Variants in CCND3 observed in about 807,000 individuals in gnomAD.
CCND3 encodes the protein G1/S-specific cyclin-D3.
In CCND3, 9 loss-of-function variants were observed where a neutral mutation model predicts 28.7. The observed-to-expected ratio is 0.31, with a 90% CI of 0.19 to 0.55. CCND3 has a LOEUF of 0.55. Among genes scored for constraint, CCND3 ranks in the 20% least tolerant of loss-of-function variants. The pLI is 0.93. For missense variants in CCND3, 315 were observed against 385.8 expected, an observed-to-expected ratio of 0.82 and a Z score of 1.54; for synonymous variants, 164 against 163.9, an observed-to-expected ratio of 1.00 and a Z score of 0.00.
At chr6:42,040,962 C>T (rs1470288888) in intron 1 of CCND3, among the ~76,000 whole-genome samples, 1 of 151,928 alleles carries the variant, frequency 6.6e-6, no homozygotes, top group Non-Finnish European at 1.5e-5. Context: ...TATAAACTGA[C>T]TTATGTACAA....
intron 1 of CCND3, among the ~76,000 whole-genome samples, chr6:42,013,934 T>TG (rs1436494282): frequency 6.6e-6 from 1 of 150,778 alleles, no homozygotes; most frequent in Non-Finnish European, 1.5e-5. Context: ...TAGCTGGGCG[T>TG]GGTGGTGTGC....
rs3218093 is a variant in CCND3 at position 41,938,781 on chromosome 6, ACTCATCTG to A, written c.415-1395_415-1388del. Among the ~76,000 whole-genome samples the A allele has an allele frequency of 0.18, 27,814 of 151,828 alleles. 3,138 individuals are homozygous for A. The highest frequency in any genetic ancestry group is 0.27 in the East Asian group (1,364 of 5,138). ...TCTAGCTAGAAGACCCAGGTTCTAC[ACTCATCTG>A]CTCAGTGCGATGCTGAGGCAGGACC... On this transcript the variant is annotated intron_variant, in intron 2 of 4. Transcript: ENST00000372991. This position sits in a 1 kb window ranked among gnomAD's most constrained non-coding sequence, Gnocchi z 4.6.
intron 1 of CCND3, among the ~76,000 whole-genome samples, chr6:41,986,703 T>C (rs772496805): frequency 2.0e-5 from 3 of 152,056 alleles, no homozygotes; most frequent in Admixed American, 6.6e-5. Flanking sequence ...TATACGATCA[T>C]GTCATCTGCA....
intron 1 of CCND3, among the ~76,000 whole-genome samples, chr6:42,026,921 C>G (rs1295743012): frequency 6.6e-6 from 1 of 152,228 alleles, no homozygotes; most frequent in Non-Finnish European, 1.5e-5. Context: ...GTCAGATCAC[C>G]CACCCGGATC....
At chr6:42,000,452 TCTC>T (rs1762968641) in intron 1 of CCND3, among the ~76,000 whole-genome samples, 3 of 150,852 alleles carry the variant, frequency 2.0e-5, no homozygotes, top group Admixed American at 6.6e-5. Context: ...GTGGTCTCGA[TCTC>T]CTGACCTCGT....
At chr6:41,964,454 CTGTGTGTGAGTG>C (rs1422243895) in intron 1 of CCND3, among the ~76,000 whole-genome samples, 320 of 84,532 alleles carry the variant, frequency 3.8e-3, no homozygotes, top group African/African-American at 7.3e-3. Flanking sequence ...ATGTGTGAGT[CTGTGTGTGAGTG>C]TGTGTGTGAG....
At chr6:41,941,880 G>A, upstream of CCND3, 1 of 233,732 alleles carries the variant, frequency 4.3e-6, no homozygotes, top group South Asian at 1.8e-4. This position sits in a 1 kb window ranked among gnomAD's most constrained non-coding sequence, Gnocchi z 6.1. Flanking sequence ...GAGGGGCGGG[G>A]CTGCGGCGCC....
At chr6:41,995,545 T>C (rs1203493437) in intron 1 of CCND3, among the ~76,000 whole-genome samples, 1 of 152,066 alleles carries the variant, frequency 6.6e-6, no homozygotes, top group African/African-American at 2.4e-5. Flanking sequence ...CGTGAGCCAC[T>C]GCACATGCCC....
chr6:42,036,403 A>ATATATATATATAT lies in CCND3; in HGVS notation c.-46+12097_-46+12098insATATATATATATA, dbSNP rs57619585. ...TATATATATATATATATATATATAT[A>ATATATATATATAT]TTTTTTTTTTTTTTTTTTTTTTTTG... On this transcript the variant is annotated intron_variant, in intron 1 of 4. Transcript: ENST00000372988. Among the ~76,000 whole-genome samples the ATATATATATATAT allele has an allele frequency of 1.6e-4, 5 of 31,320 alleles. 1 individual carries two copies. 20.5% of individuals were successfully genotyped at this position (31,320 alleles called of 152,430 possible).
intron 1 of CCND3, among the ~76,000 whole-genome samples, chr6:41,975,280 TC>T (rs1762143793): frequency 6.6e-6 from 1 of 152,200 alleles, no homozygotes; most frequent in Non-Finnish European, 1.5e-5. Context: ...TTGGAGAAAC[TC>T]CAGCAAGGGA....
At chr6:42,034,465 A>ACT (rs771239492) in intron 1 of CCND3, among the ~76,000 whole-genome samples, 2,894 of 89,928 alleles carry the variant, frequency 0.032, 246 homozygotes, top group East Asian at 0.12. Context: ...CAACCCTGTC[A>ACT]CTCTTTTTTT....
intron 1 of CCND3, among the ~76,000 whole-genome samples, chr6:41,954,605 C>T (rs1287891646): frequency 6.6e-6 from 1 of 151,812 alleles, no homozygotes; most frequent in Non-Finnish European, 1.5e-5. Context: ...TACTGTGTTA[C>T]CCAGGCTGGT....
At chr6:41,995,253 G>A (rs1262554592) in intron 1 of CCND3, among the ~76,000 whole-genome samples, 1 of 151,956 alleles carries the variant, frequency 6.6e-6, no homozygotes, top group Non-Finnish European at 1.5e-5. Flanking sequence ...ATATGTATGA[G>A]GTTTTTCTTT....
chr6:41,991,377 C>T (rs1029800703), intron 1 of CCND3, among the ~76,000 whole-genome samples: 1 of 152,226 alleles, frequency 6.6e-6, no homozygotes, highest in Non-Finnish European at 1.5e-5. Flanking sequence ...GTACATAGCT[C>T]AGCTGATAGC....
intron 1 of CCND3, among the ~76,000 whole-genome samples, chr6:41,985,535 G>A (rs1243042220): frequency 2.6e-5 from 4 of 151,704 alleles, no homozygotes; most frequent in East Asian, 1.9e-4. Flanking sequence ...GGCTGGTCTC[G>A]GACTCCTGAC....
At chr6:41,994,261 C>T (rs894875332) in intron 1 of CCND3, among the ~76,000 whole-genome samples, 1 of 151,950 alleles carries the variant, frequency 6.6e-6, no homozygotes, top group African/African-American at 2.4e-5. Flanking sequence ...AATAGGCTAT[C>T]CCATATAGTC....
intron 1 of CCND3, among the ~76,000 whole-genome samples, chr6:41,976,454 C>T (rs1762190236): frequency 6.6e-6 from 1 of 151,932 alleles, no homozygotes; most frequent in South Asian, 2.1e-4. Context: ...GAGTGTGTTG[C>T]AAGCCTGTGC....
At chr6:41,987,501 CTCTCTCTCTCTCTCTCTGTGTGTGTG>C (rs1321838574) in intron 1 of CCND3, among the ~76,000 whole-genome samples, 56 of 84,622 alleles carry the variant, frequency 6.6e-4, no homozygotes, top group African/African-American at 1.8e-3. Context: ...CTCTCTCTCT[CTCTCTCTCTCTCTCTCTGTGTGTGTG>C]TGTGTGTGTG....
chr6:41,978,457 A>G (rs980233839), intron 1 of CCND3, among the ~76,000 whole-genome samples: 2 of 151,598 alleles, frequency 1.3e-5, no homozygotes, highest in Admixed American at 1.3e-4. Flanking sequence ...AATCGCTTCA[A>G]CCCAGGAGGT....
Sources: allele counts gnomAD v4.1 joint callset (sites outside exome capture counted in the v4.1 genomes callset), GRCh38; gene constraint gnomAD v4.1.1; non-coding constraint Gnocchi (gnomAD v3.1); transcripts MANE v1.5; gene names NCBI Gene and HGNC (gene_info 2026-07-23, HGNC 2026-07-21).